Variants in MTMR3 observed in about 807,000 individuals in gnomAD.
The protein encoded by MTMR3 is myotubularin related protein 3.
MTMR3 carries 32 observed loss-of-function variants against 132.4 expected under a neutral mutation model. The observed-to-expected ratio is 0.24, with a 90% CI of 0.18 to 0.32. The LOEUF is 0.32. Ranked by LOEUF, MTMR3 falls within the 10% of genes least tolerant of loss-of-function variation. The pLI is 1.00. For synonymous variants in MTMR3, 556 were observed against 550.3 expected, an observed-to-expected ratio of 1.01 and a Z score of -0.14; for missense variants, 1,216 against 1,489.6, an observed-to-expected ratio of 0.82 and a Z score of 3.02.
chr22:30,020,688 C>T lies in MTMR3; in HGVS notation c.3029C>T (p.Pro1010Leu). 6.2e-7 allele frequency: 1 copy of T among 1,614,244 alleles called. No individual in the cohort carries two copies. Among genetic ancestry groups the T allele is most frequent in the Non-Finnish European group, 8.5e-7 (1 of 1,180,042 alleles). ...RPSATSSPDQ[P>L]SRSHLDDDGM... is the part of the protein sequence containing the mutation. Reference sequence around the variant, plus strand: ...TCTGCAACCAGCAGCCCCGACCAGCCTTCCCGCAGCCACCTGGACGATGAT... The same window carrying T: ...TCTGCAACCAGCAGCCCCGACCAGCTTTCCCGCAGCCACCTGGACGATGAT... Residue 1010 changes from proline to leucine, a missense_variant, in exon 17 of 20, where the codon CCT (proline) becomes CTT (leucine). Coordinates refer to ENST00000401950, the MANE Select transcript of MTMR3 (RefSeq NM_021090.4).
In MTMR3 at chr22:30,027,040, T is replaced by G. The variant is rs1486140153; in HGVS notation, c.*1239T>G. The G allele has an allele frequency of 6.5e-6, 1 of 152,780 alleles. No homozygotes were observed. The highest frequency in any genetic ancestry group is 1.5e-5 in the Non-Finnish European group (1 of 68,086). 9.5% of individuals were successfully genotyped at this position (152,780 alleles called of 1,614,324 possible). A position where few individuals can be genotyped will look rare whatever the true frequency, so the allele number is the denominator to read the frequency against. ...GCCTTGAGGAGATTCAGGGCACCTT[T>G]CCTCAGTGAGCTTTGATATGGTCCA... On this transcript the variant is annotated 3_prime_UTR_variant, in exon 20 of 20. Transcript: ENST00000401950.
At chr22:29,993,483 ATTATG>A (rs1394772660) in intron 7 of MTMR3, 1 of 152,112 alleles carries the variant, frequency 6.6e-6, no homozygotes, top group African/African-American at 2.4e-5. Flanking sequence ...ATCCTACTGC[ATTATG>A]TTATATAAGA....
chr22:30,022,307 C>G, intron 18 of MTMR3, 168 bp downstream of exon 18: 1 of 625,982 alleles, frequency 1.6e-6, no homozygotes, highest in Non-Finnish European at 2.8e-6. Context: ...CCTAGGATTT[C>G]TGAGCCAGGG....
intron 1 of MTMR3, among the ~76,000 whole-genome samples, chr22:29,886,435 T>C (rs1398263303): frequency 2.0e-5 from 3 of 152,204 alleles, no homozygotes; most frequent in Non-Finnish European, 4.4e-5. Context: ...TATAGAATAG[T>C]GGGAAGTTCT....
At chr22:30,002,579 A>G (rs912030007) in intron 8 of MTMR3, 4 of 225,362 alleles carry the variant, frequency 1.8e-5, no homozygotes, top group Non-Finnish European at 3.5e-5. Flanking sequence ...TTTTTCATTG[A>G]TAGTTAAGAT....
chr22:29,943,442 G>A (rs1198874346), intron 1 of MTMR3, among the ~76,000 whole-genome samples: 2 of 151,976 alleles, frequency 1.3e-5, no homozygotes, highest in South Asian at 2.1e-4. Context: ...CGCCCGTCTC[G>A]GCCTCCCAAA....
chr22:30,026,119 G>A lies in MTMR3; in HGVS notation c.*318G>A. 3.4e-6 allele frequency: 1 copy of A among 291,302 alleles called. No individual in the cohort carries two copies. Among genetic ancestry groups the A allele is most frequent in the Non-Finnish European group, 6.5e-6 (1 of 153,694 alleles). 18.0% of individuals were successfully genotyped at this position (291,302 alleles called of 1,614,324 possible). ...TAACTGCCGAGCTGCCTGCTGTCAC[G>A]TGACACTGAGGGATGGCTTGTTTCT... On this transcript the variant is annotated 3_prime_UTR_variant, in exon 20 of 20. Transcript: ENST00000401950.
At chr22:29,991,387 T>A (rs1467221479) in intron 6 of MTMR3, 117 bp from the exon 7 acceptor site, 1 of 992,522 alleles carries the variant, frequency 1.0e-6, no homozygotes, top group African/African-American at 1.7e-5. Context: ...CCTCAGATGC[T>A]TTCTTGGTTG....
intron 1 of MTMR3, among the ~76,000 whole-genome samples, chr22:29,898,356 G>A (rs921631688): frequency 1.3e-5 from 2 of 152,024 alleles, no homozygotes; most frequent in African/African-American, 4.8e-5. Flanking sequence ...ATGAGGTTTG[G>A]GGTACAATTG....
rs1555915156 is a variant in MTMR3 at position 30,000,487 on chromosome 22, A to ATAT, written c.557+1630_557+1631insTAT. The ATAT allele has an allele frequency of 7.1e-4, 108 of 151,680 alleles. 1 individual carries two copies. The highest frequency in any genetic ancestry group is 2.5e-3 in the African/African-American group (104 of 41,400). The allele number at this position is 151,680 out of a possible 1,614,324, so 9.4% of individuals were successfully genotyped here. ...AAAAATAAAAAAAATAAAAAAAAAA[A>ATAT]ATATATATATCCTTCTCCTACGTTT... On this transcript the variant is annotated intron_variant, in intron 8 of 19. Transcript: ENST00000401950.
At chr22:30,009,290 A>G (rs980474438) in intron 12 of MTMR3, 161 bp downstream of exon 12, 1 of 600,314 alleles carries the variant, frequency 1.7e-6, no homozygotes, top group Admixed American at 3.0e-5. Flanking sequence ...CTCTGCAAGT[A>G]TCTCCTTGCT....
intron 7 of MTMR3, 69 bp from the exon 8 acceptor site, chr22:29,998,687 CTTTGT>C: frequency 2.2e-6 from 2 of 914,542 alleles, no homozygotes. Context: ...ATGTATATTT[CTTTGT>C]TTTTATTCCA....
At chr22:29,949,139 ACACACCCCCCCCC>A (rs1480010877) in intron 1 of MTMR3, among the ~76,000 whole-genome samples, 840 of 24,564 alleles carry the variant, frequency 0.034, 14 homozygotes, top group African/African-American at 0.037. Flanking sequence ...ACACACACAC[ACACACCCCCCCCC>A]CCCCCCCCGA....
chr22:29,938,320 C>T (rs529369592), intron 1 of MTMR3, among the ~76,000 whole-genome samples: 1 of 152,332 alleles, frequency 6.6e-6, no homozygotes, highest in South Asian at 2.1e-4. Flanking sequence ...AGTATACCCA[C>T]ACCCCCCTTT....
chr22:30,016,582 A>G lies in MTMR3; in HGVS notation c.1558A>G (p.Asn520Asp), dbSNP rs1569051613. The change falls in exon 15 of 20, where the codon AAC (asparagine) becomes GAC (aspartate). Residue 520 changes from asparagine to aspartate, a missense_variant. Coordinates refer to ENST00000401950, the MANE Select transcript of MTMR3 (RefSeq NM_021090.4). ...SCLFGTFLCN[N>D]AKERGEKHTQ... ...CCTGTTTGGAACATTCCTGTGCAAC[A>G]ACGCCAAGGAGAGAGGGGAAAAGCA... 9 of 1,614,214 alleles carry G rather than the reference A, an allele frequency of 5.6e-6. No homozygotes were observed. The highest frequency in any genetic ancestry group is 5.1e-6 in the Non-Finnish European group (6 of 1,180,036).
At chr22:30,010,312 T>C (rs1028661196) in intron 12 of MTMR3, 1 of 152,164 alleles carries the variant, frequency 6.6e-6, no homozygotes, top group African/African-American at 2.4e-5. Context: ...ATACCCTCCA[T>C]ATATTAAAAT....
At chr22:29,892,655 A>G (rs1211001246) in intron 1 of MTMR3, among the ~76,000 whole-genome samples, 3 of 152,198 alleles carry the variant, frequency 2.0e-5, no homozygotes, top group Non-Finnish European at 4.4e-5. Flanking sequence ...GGCTTTTTGT[A>G]TTAGAAAAAA....
intron 1 of MTMR3, among the ~76,000 whole-genome samples, chr22:29,948,322 G>A (rs951040449): frequency 6.6e-6 from 1 of 152,204 alleles, no homozygotes; most frequent in Non-Finnish European, 1.5e-5. Flanking sequence ...AAACTGTGTG[G>A]CAGGCGCCAG....
Position 30,022,636 on chromosome 22 carries a change from G to A in MTMR3, c.3364G>A (p.Ala1122Thr). ...EMTRWLPDHL[A>T]AHCYACDSAF... ...GACCCGTTGGCTTCCTGACCACCTG[G>A]CCGCCCACTGCTATGCGTGCGACAG... The change falls in exon 19 of 20, where the codon GCC becomes ACC. Residue 1122 changes from alanine to threonine, a missense_variant. Around this residue, in one of 7 missense-constraint regions of MTMR3, gnomAD observed 852 missense variants for 852.0 expected, o/e 1.00. Coordinates refer to ENST00000401950, the MANE Select transcript of MTMR3 (RefSeq NM_021090.4). 6.2e-7 allele frequency: 1 copy of A among 1,612,844 alleles called. No individual in the cohort carries two copies.
Sources: gnomAD v4.1 joint callset for allele counts (sites outside exome capture counted in the v4.1 genomes callset) on GRCh38, gnomAD v4.1.1 for gene constraint, gnomAD v4.1.1 regional missense constraint, MANE v1.5 for transcripts, NCBI Gene and HGNC (gene_info 2026-07-23, HGNC 2026-07-21) for gene names.